Variants in MRC1 observed in about 807,000 individuals in gnomAD.
MRC1 encodes the protein macrophage mannose receptor 1.
In MRC1, 62 loss-of-function variants were observed where a neutral mutation model predicts 102.9. The observed-to-expected ratio is 0.60, with a 90% confidence interval of 0.49 to 0.74. The LOEUF is 0.74. Ranked by LOEUF, MRC1 falls within the 30% of genes least tolerant of loss-of-function variation. The probability of loss-of-function intolerance (pLI) is 0.00; values close to 1 mark genes in which losing one functional copy is unlikely to be tolerated. For missense variants in MRC1, 1,237 were observed against 862.8 expected, an observed-to-expected ratio of 1.43 and a Z score of -5.43; for synonymous variants, 457 against 298.4, an observed-to-expected ratio of 1.53 and a Z score of -5.48.
chr10:17,857,382 T>G (rs1833108683), intron 9 of MRC1, among the ~76,000 whole-genome samples: 1 of 152,246 alleles, frequency 6.6e-6, no homozygotes, highest in Admixed American at 6.5e-5. Context: ...CACAAGCTTG[T>G]ATATTACTGT....
chr10:17,861,534 A>G lies in MRC1; in HGVS notation c.1634+32A>G, dbSNP rs913971984. 1.2e-4 allele frequency: 100 copies of G among 849,120 alleles called. No homozygotes were observed. In the African/African-American group the frequency reaches 1.3e-3, roughly 11 times the overall value. The allele number at this position is 849,120 out of a possible 1,614,324, so 52.6% of individuals were successfully genotyped here. A position where few individuals can be genotyped will look rare whatever the true frequency, so the allele number is the denominator to read the frequency against. On this transcript the variant is annotated intron_variant, in intron 10 of 29. Transcript: ENST00000569591. ...AACTATTTTAATTTCATTTTAAAAT[A>G]TGTCAAATAGAAAAAAGTTTCAGAA...
intron 28 of MRC1, among the ~76,000 whole-genome samples, chr10:17,908,575 T>C (rs923826608): frequency 0.024 from 3,633 of 152,148 alleles, 167 homozygotes; most frequent in East Asian, 0.21. Context: ...TTTTTTGTTT[T>C]GTTTTTGTTT....
intron 18 of MRC1, 65 bp from the exon 19 acceptor site, chr10:17,879,656 C>T (rs1744798840): frequency 1.3e-6 from 1 of 780,750 alleles, no homozygotes; most frequent in African/African-American, 1.7e-5. Context: ...AGCCACTGCT[C>T]CTGGCCTGTA....
At chr10:17,837,881 G>A (rs1358503181) in intron 4 of MRC1, among the ~76,000 whole-genome samples, 4 of 151,978 alleles carry the variant, frequency 2.6e-5, no homozygotes, top group South Asian at 2.1e-4. Context: ...GATTACAGGC[G>A]TGAGCCACCA....
chr10:17,873,664 GA>G lies in MRC1; in HGVS notation c.2345-114del, dbSNP rs1372136823. The stretch of plus-strand genomic sequence containing the variant: ...GCAAATAGGAGAAAGAAAGGGAAGG[GA>G]AAAAAGAGAACAACTAAGTTTTTAG... On this transcript the variant is annotated intron_variant, in intron 15 of 29. Transcript: ENST00000569591. 22 of 756,652 alleles carry G rather than the reference GA, an allele frequency of 2.9e-5. No homozygotes were observed. The Admixed American group carries it at 3.9e-4, about 13-fold the overall frequency. 46.9% of individuals were successfully genotyped at this position (756,652 alleles called of 1,614,324 possible).
At chr10:17,841,618 A>G (rs1382143515) in intron 5 of MRC1, among the ~76,000 whole-genome samples, 3 of 152,230 alleles carry the variant, frequency 2.0e-5, no homozygotes, top group Non-Finnish European at 4.4e-5. Flanking sequence ...AACTATTTAG[A>G]GAAAACAAAA....
In MRC1 at chr10:17,894,231, G is replaced by A; in HGVS notation, c.3169G>A (p.Gly1057Arg). The A allele has an allele frequency of 1.1e-6, 1 of 872,450 alleles. No homozygotes were observed. Among genetic ancestry groups the A allele is most frequent in the South Asian group, 1.3e-5 (1 of 76,510 alleles). 54.0% of individuals were successfully genotyped at this position (872,450 alleles called of 1,614,324 possible). Residue 1057 changes from glycine (G) to arginine (R), a missense_variant, in exon 23 of 30, where the codon GGA becomes AGA. Physicochemically the swap from Gly to Arg is moderately radical, Grantham distance 125 (BLOSUM62 -2). Transcript: ENST00000569591. ...ACAGGCTGACTGTGTTGTTATTATT[G>A]GAGGTGCATCAAATGAAGCAGGAAA... The part of the protein sequence containing the change: ...YEDADCVVII[G>R]GASNEAGKWM...
chr10:17,873,437 T>A (rs978167595), intron 15 of MRC1, among the ~76,000 whole-genome samples: 10 of 152,144 alleles, frequency 6.6e-5, no homozygotes, highest in South Asian at 2.1e-4. Flanking sequence ...TAAGGCTAAA[T>A]GATTTAAACC....
intron 28 of MRC1, among the ~76,000 whole-genome samples, chr10:17,908,456 G>T (rs1047343615): frequency 6.7e-6 from 1 of 149,216 alleles, no homozygotes; most frequent in Non-Finnish European, 1.5e-5. Context: ...TGTATTTTTA[G>T]TAGAGACGGG....
At chr10:17,821,371 A>G (rs540067121) in intron 1 of MRC1, among the ~76,000 whole-genome samples, 6 of 152,148 alleles carry the variant, frequency 3.9e-5, no homozygotes, top group African/African-American at 9.7e-5. Flanking sequence ...TTGTTTTTGC[A>G]TTCTAAGGCA....
intron 3 of MRC1, among the ~76,000 whole-genome samples, chr10:17,830,250 G>A (rs1340126076): frequency 6.6e-6 from 1 of 151,154 alleles, no homozygotes; most frequent in East Asian, 1.9e-4. Context: ...TCCTGCCTCA[G>A]CCTCCTGAGT....
chr10:17,837,935 T>C (rs1363303357), intron 4 of MRC1, among the ~76,000 whole-genome samples: 2 of 151,948 alleles, frequency 1.3e-5, no homozygotes, highest in African/African-American at 4.8e-5. Context: ...TAGAACCTGG[T>C]TTGATGACTC....
intron 2 of MRC1, among the ~76,000 whole-genome samples, chr10:17,825,065 A>G (rs1335633969): frequency 6.6e-6 from 1 of 151,526 alleles, no homozygotes; most frequent in African/African-American, 2.4e-5. Flanking sequence ...TATTGACTAC[A>G]TTTTGCATAC....
At chr10:17,861,171 G>A (rs1564618967) in intron 9 of MRC1, among the ~76,000 whole-genome samples, 1 of 152,152 alleles carries the variant, frequency 6.6e-6, no homozygotes, top group African/African-American at 2.4e-5. Flanking sequence ...AATTTGGCCG[G>A]GTGTGGTGGC....
intron 1 of MRC1, among the ~76,000 whole-genome samples, chr10:17,822,015 CT>C (rs1838403241): frequency 6.6e-6 from 1 of 151,954 alleles, no homozygotes; most frequent in African/African-American, 2.4e-5. Flanking sequence ...AAAGAGAAAG[CT>C]TTACATGAAC....
chr10:17,837,341 G>A (rs1838682589), intron 4 of MRC1, among the ~76,000 whole-genome samples: 1 of 152,114 alleles, frequency 6.6e-6, no homozygotes, highest in Non-Finnish European at 1.5e-5. Context: ...CAGGCATTAG[G>A]ACAAGAAAAA....
chr10:17,879,598 G>A, intron 18 of MRC1, 123 bp from the exon 19 acceptor site: 3 of 777,842 alleles, frequency 3.9e-6, no homozygotes. Context: ...CCTGGCCTCA[G>A]GTGATCCACT....
rs1003777873 is a variant in MRC1, at chr10:17,853,949, T to G, written c.1407+825T>G. ...GCTCACCTGTGGATATGAGGTTTTT[T>G]TTTTTGTTGTTGTTGTTGTTTGTTT... On this transcript the variant is annotated intron_variant, in intron 8 of 29. Transcript: ENST00000569591. Among the ~76,000 whole-genome samples the G allele has an allele frequency of 6.1e-3, 918 of 151,180 alleles. 10 individuals are homozygous for G. Among genetic ancestry groups the G allele is most frequent in the African/African-American group, 0.021 (847 of 40,676 alleles).
intron 2 of MRC1, among the ~76,000 whole-genome samples, chr10:17,824,135 C>T (rs1838438893): frequency 6.6e-6 from 1 of 152,148 alleles, no homozygotes; most frequent in Non-Finnish European, 1.5e-5. Context: ...GGTTTCTTGA[C>T]CTCTTGAAGG....
Sources: gnomAD v4.1 joint callset for allele counts (sites outside exome capture counted in the v4.1 genomes callset) on GRCh38, gnomAD v4.1.1 for gene constraint, MANE v1.5 for transcripts, NCBI Gene and HGNC (gene_info 2026-07-23, HGNC 2026-07-21) for gene names.